Variants in PTPRD observed in about 807,000 individuals in gnomAD.
The protein encoded by PTPRD is receptor-type tyrosine-protein phosphatase delta.
PTPRD carries 34 observed loss-of-function variants against 214.5 expected under a neutral mutation model. The observed-to-expected ratio is 0.16, with a 90% confidence interval of 0.12 to 0.21. The LOEUF (loss-of-function observed/expected upper bound fraction) is 0.21, where lower values mean the gene tolerates loss of function less well. Among genes scored for constraint, PTPRD ranks in the 10% least tolerant of loss-of-function variants. The pLI, the probability that PTPRD is intolerant of heterozygous loss-of-function variation, is 1.00. For synonymous variants in PTPRD, 1,128 were observed against 845.7 expected, an observed-to-expected ratio of 1.33 and a Z score of -5.79; for missense variants, 2,545 against 2,398.7, an observed-to-expected ratio of 1.06 and a Z score of -1.27.
At chr9:9,894,558 T>C (rs547304882) in intron 5 of PTPRD, among the ~76,000 whole-genome samples, 1 of 152,212 alleles carries the variant, frequency 6.6e-6, no homozygotes, top group East Asian at 1.9e-4. Context: ...ATTTTTGCAT[T>C]GCAGTTCAGC....
intron 4 of PTPRD, among the ~76,000 whole-genome samples, chr9:10,004,514 G>C (rs10759123): frequency 6.6e-6 from 1 of 151,514 alleles, no homozygotes; most frequent in East Asian, 1.9e-4. Context: ...CACCGGTCAA[G>C]AGAATAGGTA....
At chr9:9,881,718 C>G (rs554801054) in intron 5 of PTPRD, among the ~76,000 whole-genome samples, 3 of 152,262 alleles carry the variant, frequency 2.0e-5, no homozygotes, top group African/African-American at 7.2e-5. Flanking sequence ...ACCCCCACAT[C>G]TCACTCTGTG....
At chr9:8,535,057 T>A (rs1199421122) in intron 14 of PTPRD, among the ~76,000 whole-genome samples, 1 of 151,904 alleles carries the variant, frequency 6.6e-6, no homozygotes, top group Non-Finnish European at 1.5e-5. Flanking sequence ...ATCTGCAGGA[T>A]AATTAGCTTC....
intron 4 of PTPRD, among the ~76,000 whole-genome samples, chr9:9,945,260 G>C (rs2092386189): frequency 6.6e-6 from 1 of 152,050 alleles, no homozygotes; most frequent in Admixed American, 6.6e-5. Context: ...ATAAACCTGA[G>C]ATTACGGAGA....
intron 2 of PTPRD, among the ~76,000 whole-genome samples, chr9:10,447,111 G>A (rs1207734180): frequency 2.0e-5 from 3 of 152,084 alleles, no homozygotes; most frequent in East Asian, 1.9e-4. Context: ...TATCCTGGCA[G>A]GGCGATTCCT....
chr9:8,594,835 G>T (rs1433378978), intron 14 of PTPRD, among the ~76,000 whole-genome samples: 1 of 149,096 alleles, frequency 6.7e-6, no homozygotes, highest in African/African-American at 2.5e-5. Flanking sequence ...AGCAGTATGA[G>T]AATGAAATCA....
intron 5 of PTPRD, among the ~76,000 whole-genome samples, chr9:9,909,255 T>C (rs1370273017): frequency 6.6e-6 from 1 of 151,834 alleles, no homozygotes; most frequent in Non-Finnish European, 1.5e-5. Context: ...TCTCATATAA[T>C]ATTGCTATGG....
intron 2 of PTPRD, among the ~76,000 whole-genome samples, chr9:10,449,164 C>G (rs1465740239): frequency 6.6e-6 from 1 of 151,864 alleles, no homozygotes; most frequent in African/African-American, 2.4e-5. Flanking sequence ...CTCAGCCTGC[C>G]AAGTGCCTGG....
intron 3 of PTPRD, among the ~76,000 whole-genome samples, chr9:10,250,290 T>C (rs1042382976): frequency 6.6e-6 from 1 of 152,168 alleles, no homozygotes; most frequent in Non-Finnish European, 1.5e-5. Flanking sequence ...ATGCCATGTA[T>C]GTTCTCTGAC....
At chr9:10,504,969 G>A (rs1326771921) in intron 2 of PTPRD, among the ~76,000 whole-genome samples, 2 of 152,092 alleles carry the variant, frequency 1.3e-5, no homozygotes, top group Non-Finnish European at 1.5e-5. Context: ...TACAACATTG[G>A]CTCTACATAC....
At chr9:8,845,173 A>AC (rs1161660114) in intron 11 of PTPRD, among the ~76,000 whole-genome samples, 3 of 94,472 alleles carry the variant, frequency 3.2e-5, no homozygotes, top group African/African-American at 8.6e-5. Context: ...GCAGGAAAAA[A>AC]AAACAAAAAC....
chr9:8,817,806 G>C (rs751186232), intron 11 of PTPRD, among the ~76,000 whole-genome samples: 11 of 152,062 alleles, frequency 7.2e-5, no homozygotes, highest in Non-Finnish European at 1.2e-4. Flanking sequence ...CTTCTTCTTG[G>C]ACTTCTTGGT....
At chr9:9,208,019 G>GTTTTTTTTTTTTTTTTTTTTTT (rs1569562243) in intron 9 of PTPRD, among the ~76,000 whole-genome samples, 2 of 26,036 alleles carry the variant, frequency 7.7e-5, no homozygotes, top group African/African-American at 9.7e-5. Flanking sequence ...ATATATATCT[G>GTTTTTTTTTTTTTTTTTTTTTT]CTTTTTTTTT....
chr9:8,341,748 T>C lies in PTPRD; in HGVS notation c.4892A>G (p.Lys1631Arg), dbSNP rs2132492533. 6.2e-7 allele frequency: 1 copy of C among 1,613,560 alleles called. No homozygotes were observed. The highest frequency in any genetic ancestry group is 8.5e-7 in the Non-Finnish European group (1 of 1,179,684). Residue 1631 changes from lysine (K) to arginine (R), a missense_variant, in exon 40 of 46, where the codon AAG becomes AGG. Physicochemically the swap from Lys to Arg is conservative, Grantham distance 26. Transcript: ENST00000381196. Reference sequence around the variant, plus strand: ...CTCTCCCGTTTCTATTTGTGTCAGCTTCTGAATGTAGGCATACAAGTTTCT... The same window carrying C: ...CTCTCCCGTTTCTATTTGTGTCAGCCTCTGAATGTAGGCATACAAGTTTCT... ...PARNLYAYIQ[K>R]LTQIETGENV...
At chr9:9,820,110 G>C (rs149319750) in intron 5 of PTPRD, among the ~76,000 whole-genome samples, 1 of 152,132 alleles carries the variant, frequency 6.6e-6, no homozygotes, top group Non-Finnish European at 1.5e-5. Flanking sequence ...TACCAACAGT[G>C]TATAAGCATT....
chr9:8,671,530 T>A (rs542502556), intron 12 of PTPRD, among the ~76,000 whole-genome samples: 1 of 152,302 alleles, frequency 6.6e-6, no homozygotes, highest in African/African-American at 2.4e-5. Flanking sequence ...GAATCCATTT[T>A]CTAAACTGTA....
chr9:10,002,114 A>G (rs941811551), intron 4 of PTPRD, among the ~76,000 whole-genome samples: 2 of 151,654 alleles, frequency 1.3e-5, no homozygotes, highest in African/African-American at 4.8e-5. Flanking sequence ...ATTGTTTTAA[A>G]TTAAGCAGTT....
intron 10 of PTPRD, among the ~76,000 whole-genome samples, chr9:9,034,678 C>T (rs766668098): frequency 3.9e-5 from 6 of 152,016 alleles, no homozygotes; most frequent in South Asian, 2.1e-4. Context: ...CAGATTCACC[C>T]GTGTTCACAT....
chr9:8,683,088 T>G (rs2097582192), intron 12 of PTPRD, among the ~76,000 whole-genome samples: 1 of 152,154 alleles, frequency 6.6e-6, no homozygotes. Flanking sequence ...TCTTAACTTT[T>G]GTAAGAGGAA....
Sources: gnomAD v4.1 joint callset for allele counts (sites outside exome capture counted in the v4.1 genomes callset) on GRCh38, gnomAD v4.1.1 for gene constraint, MANE v1.5 for transcripts, NCBI Gene and HGNC (gene_info 2026-07-23, HGNC 2026-07-21) for gene names.